Variants in GSG1L observed in about 807,000 individuals in gnomAD.
GSG1L encodes the protein germ cell-specific gene 1-like protein.
In GSG1L, 24 loss-of-function variants were observed where a neutral mutation model predicts 42.1. That is an observed-to-expected ratio of 0.57 (90% confidence interval 0.41 to 0.80). GSG1L has a LOEUF of 0.80. GSG1L is among the 30% of genes least tolerant of loss of function. GSG1L has a pLI of 0.00. For synonymous variants in GSG1L, 215 were observed against 203.5 expected (o/e 1.06, Z -0.48); for missense variants, 445 against 472.2 (o/e 0.94, Z 0.53).
intron 2 of GSG1L, among the ~76,000 whole-genome samples, chr16:27,934,950 C>T (rs531018120): frequency 6.6e-6 from 1 of 152,320 alleles, no homozygotes; most frequent in East Asian, 1.9e-4. Context: ...TTGAACAAGA[C>T]AGGCAAGGCA....
intron 1 of GSG1L, among the ~76,000 whole-genome samples, chr16:28,003,367 C>A (rs1031922650): frequency 2.0e-5 from 3 of 152,218 alleles, no homozygotes; most frequent in African/African-American, 7.2e-5. Flanking sequence ...GGGAGCTGGG[C>A]AACCTCTCTC....
chr16:27,938,132 G>A (rs909761536), intron 2 of GSG1L, among the ~76,000 whole-genome samples: 16 of 152,250 alleles, frequency 1.1e-4, no homozygotes, highest in South Asian at 2.1e-4. Context: ...GCAGAGAGGC[G>A]CCCCTTGGGG....
intron 2 of GSG1L, among the ~76,000 whole-genome samples, chr16:27,908,283 T>C (rs888520447): frequency 4.6e-5 from 7 of 152,226 alleles, no homozygotes; most frequent in African/African-American, 7.2e-5. Flanking sequence ...TAAAGCAAGC[T>C]AGCCACAATC....
chr16:27,856,252 G>C (rs2083576751), intron 3 of GSG1L, among the ~76,000 whole-genome samples: 2 of 152,174 alleles, frequency 1.3e-5, no homozygotes, highest in African/African-American at 4.8e-5. Context: ...CAGGGACAGT[G>C]GGGGACAAAA....
chr16:27,986,981 C>A (rs1424622149), intron 1 of GSG1L, among the ~76,000 whole-genome samples: 1 of 152,218 alleles, frequency 6.6e-6, no homozygotes, highest in Non-Finnish European at 1.5e-5. Flanking sequence ...CTTTGGGAGG[C>A]CAAGGCGGGC....
At chr16:28,017,170 G>GT (rs1285331216) in intron 1 of GSG1L, among the ~76,000 whole-genome samples, 1 of 152,122 alleles carries the variant, frequency 6.6e-6, no homozygotes, top group Non-Finnish European at 1.5e-5. Context: ...TGAGATAATG[G>GT]CCTTATTTCA....
At chr16:27,826,414 T>C (rs906361663) in intron 5 of GSG1L, among the ~76,000 whole-genome samples, 6 of 152,216 alleles carry the variant, frequency 3.9e-5, no homozygotes, top group African/African-American at 1.4e-4. Flanking sequence ...TGCTGAGCCC[T>C]GAGGATGTGC....
intron 2 of GSG1L, among the ~76,000 whole-genome samples, chr16:27,908,104 G>A (rs1232994107): frequency 6.6e-6 from 1 of 152,268 alleles, no homozygotes; most frequent in Non-Finnish European, 1.5e-5. Context: ...CCAATGGGAT[G>A]TTAGCGGATG....
intron 2 of GSG1L, among the ~76,000 whole-genome samples, chr16:27,906,425 G>A (rs569574016): frequency 6.6e-6 from 1 of 152,206 alleles, no homozygotes; most frequent in East Asian, 1.9e-4. Flanking sequence ...ACTAGTCCTG[G>A]CCACCAGGCT....
In GSG1L at chr16:27,844,970, C is replaced by T. The variant is rs1315986165; in HGVS notation, c.642G>A (p.Trp214Ter). 6.2e-7 allele frequency: 1 copy of T among 1,611,664 alleles called. No individual in the cohort carries two copies. Among genetic ancestry groups the T allele is most frequent in the Non-Finnish European group, 8.5e-7 (1 of 1,178,094 alleles). The stretch of plus-strand genomic sequence containing the variant: ...CTTACCAGAAGGACCACCCGTAGTC[C>T]CAGGAATGGGGTCTCCAGTCCTCAG... The part of the protein sequence containing the change: ...LGPEDWRPHS[W>*]DYGWSFCLAW... The change falls in exon 4 of 7, where the codon TGG becomes TGA. Residue 214 changes from tryptophan to a stop codon, truncating the protein, a stop_gained. Coordinates refer to ENST00000447459, the MANE Select transcript of GSG1L (RefSeq NM_001109763.2). LOFTEE classifies it high-confidence loss of function.
intron 1 of GSG1L, among the ~76,000 whole-genome samples, chr16:28,050,737 TCAC>T (rs751660058): frequency 9.2e-5 from 14 of 152,172 alleles, no homozygotes; most frequent in Non-Finnish European, 1.8e-4. Context: ...CTATTAGCCT[TCAC>T]CAACTCAGAG....
chr16:27,928,275 C>T (rs896644485), intron 2 of GSG1L, among the ~76,000 whole-genome samples: 5 of 152,142 alleles, frequency 3.3e-5, no homozygotes, highest in Non-Finnish European at 4.4e-5. Context: ...TAGTGAGTCC[C>T]AGAGTGTAGA....
Position 27,970,435 on chromosome 16 carries a change from G to C in GSG1L, c.350-7232C>G, listed in dbSNP as rs140486765. ...AAAAATACAAAAAGTAGCCAGGCAT[G>C]GTGGTGCACCCCTGTAATCCCAGCT... On this transcript the variant is annotated intron_variant, in intron 1 of 6. Transcript: ENST00000447459. Among the ~76,000 whole-genome samples, 1,223 of 152,012 alleles carry C rather than the reference G, an allele frequency of 8.0e-3. 22 individuals are homozygous for C. The highest frequency in any genetic ancestry group is 0.027 in the African/African-American group (1,141 of 41,512).
At chr16:27,891,180 T>G (rs1411840695) in intron 2 of GSG1L, among the ~76,000 whole-genome samples, 1 of 152,220 alleles carries the variant, frequency 6.6e-6, no homozygotes, top group Non-Finnish European at 1.5e-5. Flanking sequence ...CACTGGGGGC[T>G]GTGAGCTACG....
intron 2 of GSG1L, among the ~76,000 whole-genome samples, chr16:27,960,813 A>C (rs561642310): frequency 6.6e-6 from 1 of 151,842 alleles, no homozygotes; most frequent in South Asian, 2.1e-4. Flanking sequence ...ATCATTCAGC[A>C]CCTCAGTGGC....
intron 2 of GSG1L, among the ~76,000 whole-genome samples, chr16:27,917,850 C>A (rs1318640029): frequency 6.6e-6 from 1 of 152,156 alleles, no homozygotes; most frequent in African/African-American, 2.4e-5. Context: ...CCTTTTCTAA[C>A]TTTTGGCTCC....
rs1227923408 is a variant in GSG1L, at chr16:28,063,566, G to C, written c.-142C>G. Reference sequence around the variant, plus strand: ...AGATCGGCGGCGGCGGACGCGGCGCGGGCCCATGCCCCCCCCAACCCCGGG... The same window carrying C: ...AGATCGGCGGCGGCGGACGCGGCGCCGGCCCATGCCCCCCCCAACCCCGGG... On this transcript the variant is annotated 5_prime_UTR_variant, in exon 1 of 7. Coordinates refer to ENST00000447459, the MANE Select transcript of GSG1L (RefSeq NM_001109763.2). The surrounding 1 kb of genome is among the most constrained non-coding windows in gnomAD (Gnocchi z 5.8). 2 of 294,742 alleles carry C rather than the reference G, an allele frequency of 6.8e-6. No homozygotes were observed. The highest frequency in any genetic ancestry group is 1.0e-5 in the Non-Finnish European group (2 of 196,254). The allele number at this position is 294,742 out of a possible 1,614,324, so 18.3% of individuals were successfully genotyped here.
Position 27,977,761 on chromosome 16 carries a change from T to G in GSG1L, c.350-14558A>C, listed in dbSNP as rs2085267691. 1.3e-5 allele frequency among the ~76,000 whole-genome samples: 2 copies of G among 152,108 alleles called. 1 individual carries two copies. Among genetic ancestry groups the G allele is most frequent in the Admixed American group, 1.3e-4 (2 of 15,252 alleles). On this transcript the variant is annotated intron_variant, in intron 1 of 6. Coordinates refer to ENST00000447459, the MANE Select transcript of GSG1L (RefSeq NM_001109763.2). ...TCAATACCTGTCAACTCAAGGCCAG[T>G]CTTGTCACCTCTACACCCCACTGTC...
At chr16:28,025,242 G>A (rs1289200573) in intron 1 of GSG1L, among the ~76,000 whole-genome samples, 1 of 152,170 alleles carries the variant, frequency 6.6e-6, no homozygotes, top group Non-Finnish European at 1.5e-5. Context: ...ATGTCACCAG[G>A]AGAGTGGGTG....
Sources: allele counts gnomAD v4.1 joint callset (sites outside exome capture counted in the v4.1 genomes callset), GRCh38; gene constraint gnomAD v4.1.1; non-coding constraint Gnocchi (gnomAD v3.1); transcripts MANE v1.5; gene names NCBI Gene and HGNC (gene_info 2026-07-23, HGNC 2026-07-21).